The following CUX1 variants were observed in gnomAD, a reference collection of about 807,000 sequenced individuals.
CUX1 encodes the protein protein CASP.
In CUX1, 31 loss-of-function variants were observed where a neutral mutation model predicts 158.8. The ratio of observed to expected loss-of-function variants is 0.20; its 90% CI spans 0.15 to 0.26. The LOEUF (loss-of-function observed/expected upper bound fraction) is 0.26, where lower values mean the gene tolerates loss of function less well. Among genes scored for constraint, CUX1 ranks in the 10% least tolerant of loss-of-function variants. CUX1 has a pLI of 1.00. For missense variants in CUX1, 1,589 were observed against 2,014.6 expected, an observed-to-expected ratio of 0.79 and a Z score of 4.04; for synonymous variants, 879 against 862.1, an observed-to-expected ratio of 1.02 and a Z score of -0.34.
At chr7:102,057,164 G>A (rs894755933) in intron 3 of CUX1, among the ~76,000 whole-genome samples, 2 of 152,136 alleles carry the variant, frequency 1.3e-5, no homozygotes, top group African/African-American at 4.8e-5. Context: ...GCCTCCCAAA[G>A]TGCTGGGATT....
In CUX1 at chr7:102,243,639, AAT is replaced by A. The variant is rs1232708507; in HGVS notation, c.3887+4057_3887+4058del. ...AGACCCTGTCTCTACAGAAAATAAT[AAT>A]AATAATAATAATAATAATAATAATA... On this transcript the variant is annotated intron_variant, in intron 23 of 23. Coordinates refer to ENST00000292535, the MANE Select transcript of CUX1 (RefSeq NM_181552.4). 1.7e-4 allele frequency among the ~76,000 whole-genome samples: 21 copies of A among 124,902 alleles called. 1 individual carries two copies. In the East Asian group the frequency reaches 4.2e-3, roughly 25 times the overall value. 81.9% of individuals were successfully genotyped at this position (124,902 alleles called of 152,430 possible).
Position 102,115,253 on chromosome 7 carries a change from C to T in CUX1, c.654C>T (p.Tyr218=), listed in dbSNP as rs149507748. The T allele has an allele frequency of 8.1e-4, 1,299 of 1,610,358 alleles. 2 individuals are homozygous for T. The highest frequency in any genetic ancestry group is 9.4e-4 in the Admixed American group (55 of 58,414). Residue 218 remains tyrosine, a synonymous_variant, in exon 8 of 24, where the codon TAC becomes TAT. Transcript: ENST00000292535. ...AATTATTTGACCTGAAAACCAAATA[C>T]GATGAAGAAACTACTGCAAAGTAAG... is the stretch of plus-strand genomic sequence containing the variant. The part of the protein sequence containing the change: ...RTELFDLKTK[Y]DEETTAKADE...
chr7:102,069,100 G>T (rs55851631), intron 3 of CUX1, among the ~76,000 whole-genome samples: 1 of 151,950 alleles, frequency 6.6e-6, no homozygotes, highest in Non-Finnish European at 1.5e-5. Flanking sequence ...CTCTCCAGCC[G>T]CCCTCTCCTC....
chr7:102,035,984 A>G (rs1821381763), intron 3 of CUX1, among the ~76,000 whole-genome samples: 1 of 152,092 alleles, frequency 6.6e-6, no homozygotes, highest in African/African-American at 2.4e-5. Context: ...GTTATCTCCT[A>G]TTTGATCTAA....
chr7:102,169,320 C>G (rs1045326913), intron 9 of CUX1, among the ~76,000 whole-genome samples: 1 of 152,162 alleles, frequency 6.6e-6, no homozygotes, highest in Admixed American at 6.5e-5. Context: ...CCACCCGCCT[C>G]GGCTTCCCAA....
At chr7:102,128,542 A>G (rs1832888864) in intron 8 of CUX1, among the ~76,000 whole-genome samples, 1 of 150,474 alleles carries the variant, frequency 6.6e-6, no homozygotes, top group Admixed American at 6.7e-5. Flanking sequence ...GCAGGGCTGC[A>G]TCCAGGGCAC....
At position 102,248,326 on chromosome 7, in the gene CUX1, A is replaced by C; in HGVS notation, c.3888-86A>C. The C allele has an allele frequency of 7.7e-7, 1 of 1,296,022 alleles. No individual in the cohort carries two copies. 80.3% of individuals were successfully genotyped at this position (1,296,022 alleles called of 1,614,324 possible). A position where few individuals can be genotyped will look rare whatever the true frequency, so the allele number is the denominator to read the frequency against. On this transcript the variant is annotated intron_variant, in intron 23 of 23. Transcript: ENST00000292535. The surrounding 1 kb of genome is among the most constrained non-coding windows in gnomAD (Gnocchi z 5.8). ...CCAGGCTGGACGGAGCAGGAGCCCCAGAGAGAGGGGTCTGGCTGGGGTAGC... is the reference window on the plus strand; with the variant it reads ...CCAGGCTGGACGGAGCAGGAGCCCCCGAGAGAGGGGTCTGGCTGGGGTAGC...
At chr7:101,914,315 T>C (rs1803880508) in intron 1 of CUX1, among the ~76,000 whole-genome samples, 1 of 151,352 alleles carries the variant, frequency 6.6e-6, no homozygotes, top group South Asian at 2.1e-4. Context: ...TTTTCTTTCC[T>C]CCCCTGCTTT....
upstream of CUX1, among the ~76,000 whole-genome samples, chr7:101,816,751 G>A (rs1256656941): frequency 6.9e-6 from 1 of 144,068 alleles, no homozygotes; most frequent in Non-Finnish European, 1.5e-5. Context: ...GGGTCAGAGC[G>A]GCCACCGGCG....
intron 2 of CUX1, among the ~76,000 whole-genome samples, chr7:102,022,931 A>G (rs1392833598): frequency 6.6e-6 from 1 of 152,194 alleles, no homozygotes; most frequent in Non-Finnish European, 1.5e-5. Context: ...GTTTTAAAAC[A>G]TGGCCGGGTG....
intron 1 of CUX1, among the ~76,000 whole-genome samples, chr7:101,851,571 C>T (rs892033113): frequency 6.6e-6 from 1 of 152,364 alleles, no homozygotes; most frequent in South Asian, 2.1e-4. Context: ...GGTTGGAAAA[C>T]ACTTCCTGCA....
intron 2 of CUX1, among the ~76,000 whole-genome samples, chr7:101,944,292 C>T (rs1338569587): frequency 6.6e-6 from 1 of 152,166 alleles, no homozygotes; most frequent in Admixed American, 6.5e-5. Flanking sequence ...GCCAGCTGTT[C>T]ATCTACCCCA....
At chr7:101,934,497 CCTT>C (rs1368761805) in intron 2 of CUX1, among the ~76,000 whole-genome samples, 1 of 152,140 alleles carries the variant, frequency 6.6e-6, no homozygotes, top group African/African-American at 2.4e-5. Flanking sequence ...AATTATTGTT[CCTT>C]CTTCTTGGCA....
intron 9 of CUX1, among the ~76,000 whole-genome samples, chr7:102,169,693 G>T (rs892669435): frequency 6.6e-6 from 1 of 152,200 alleles, no homozygotes; most frequent in Non-Finnish European, 1.5e-5. Flanking sequence ...GGGCACTGGG[G>T]TGACCTGTCC....
intron 1 of CUX1, among the ~76,000 whole-genome samples, chr7:101,872,605 G>A (rs1270769309): frequency 6.6e-6 from 1 of 151,440 alleles, no homozygotes; most frequent in African/African-American, 2.4e-5. Flanking sequence ...TAGGTACATA[G>A]GAATTTATAC....
chr7:101,942,872 A>T (rs1284626271), intron 2 of CUX1, among the ~76,000 whole-genome samples: 1 of 152,180 alleles, frequency 6.6e-6, no homozygotes, highest in East Asian at 1.9e-4. Flanking sequence ...GCTTCGCTGC[A>T]CACGGACCTG....
At chr7:101,835,463 G>A (rs575678492) in intron 1 of CUX1, among the ~76,000 whole-genome samples, 48 of 152,232 alleles carry the variant, frequency 3.2e-4, no homozygotes, top group African/African-American at 8.9e-4. Flanking sequence ...GTGAACATTC[G>A]TGTACAAATG....
chr7:102,198,660 T>G lies in CUX1; in HGVS notation c.1895-142T>G. 5.8e-6 allele frequency: 4 copies of G among 687,812 alleles called. No individual in the cohort carries two copies. The South Asian group carries it at 7.3e-5, about 13-fold the overall frequency. The allele number at this position is 687,812 out of a possible 1,614,324, so 42.6% of individuals were successfully genotyped here. ...GCCAGGGAAGGGCCTCTCAGAAGAT[T>G]CTAGAAACTCCCGAGTTGCACAGGC... is the stretch of plus-strand genomic sequence containing the variant. On this transcript the variant is annotated intron_variant, in intron 15 of 23. Transcript: ENST00000292535.
intron 8 of CUX1, among the ~76,000 whole-genome samples, chr7:102,123,606 C>T (rs1456278111): frequency 5.2e-5 from 6 of 115,324 alleles, no homozygotes; most frequent in African/African-American, 2.3e-4. Flanking sequence ...GAGACTCCGT[C>T]TCAAAAAAAA....
Sources: gnomAD v4.1 joint callset for allele counts (sites outside exome capture counted in the v4.1 genomes callset) on GRCh38, gnomAD v4.1.1 for gene constraint, Gnocchi (gnomAD v3.1) non-coding constraint, MANE v1.5 for transcripts, NCBI Gene and HGNC (gene_info 2026-07-23, HGNC 2026-07-21) for gene names.